The following BRSK2 variants were observed in gnomAD, a reference collection of about 807,000 sequenced individuals.
BRSK2 encodes the protein serine/threonine-protein kinase BRSK2.
A neutral mutation model predicts 83.3 loss-of-function variants in BRSK2; 19 were observed. The ratio of observed to expected loss-of-function variants is 0.23; its 90% CI spans 0.16 to 0.33. BRSK2 has a LOEUF of 0.33. Among genes scored for constraint, BRSK2 ranks in the 10% least tolerant of loss-of-function variants. The pLI is 1.00. For missense variants in BRSK2, 798 were observed against 1,042.3 expected, an observed-to-expected ratio of 0.77 and a Z score of 3.23; for synonymous variants, 519 against 435.4, an observed-to-expected ratio of 1.19 and a Z score of -2.39.
At chr11:1,414,645 C>T (rs141036702) in intron 1 of BRSK2, among the ~76,000 whole-genome samples, 1 of 152,310 alleles carries the variant, frequency 6.6e-6, no homozygotes, top group Non-Finnish European at 1.5e-5. Context: ...ATTAACCATA[C>T]AATTCAGGGA....
intron 1 of BRSK2, among the ~76,000 whole-genome samples, chr11:1,428,996 CTGGGTGTGTGTGCA>C (rs1849587423): frequency 7.1e-6 from 1 of 140,654 alleles, no homozygotes; most frequent in South Asian, 2.3e-4. Context: ...TGGGTGTGTC[CTGGGTGTGTGTGCA>C]TGGGTGTGTG....
intron 1 of BRSK2, among the ~76,000 whole-genome samples, chr11:1,425,186 G>A (rs1365282306): frequency 3.3e-5 from 5 of 152,180 alleles, no homozygotes; most frequent in African/African-American, 7.2e-5. Context: ...TCAGCTCCCC[G>A]GGTCATCAGT....
chr11:1,461,580 T>C lies in BRSK2; in HGVS notation c.*857T>C, dbSNP rs1036113159. On this transcript the variant is annotated 3_prime_UTR_variant, in exon 20 of 20. Transcript: ENST00000528841. ...TTAATTTATGGATTCTCCGCACCTC[T>C]GTTCAGGGAAGGGCGGCGGCCACAT... 6.3e-6 allele frequency: 1 copy of C among 158,312 alleles called. No individual in the cohort carries two copies. Among genetic ancestry groups the C allele is most frequent in the Middle Eastern group, 2.8e-3 (1 of 360 alleles). The allele number at this position is 158,312 out of a possible 1,614,324, so 9.8% of individuals were successfully genotyped here. A position where few individuals can be genotyped will look rare whatever the true frequency, so the allele number is the denominator to read the frequency against.
intron 1 of BRSK2, among the ~76,000 whole-genome samples, chr11:1,416,888 C>T (rs1045495164): frequency 4.6e-5 from 7 of 152,168 alleles, no homozygotes; most frequent in Admixed American, 2.6e-4. Context: ...CAGCCAGGCG[C>T]GGTGGCTCAT....
At chr11:1,394,325 T>G (rs1845923201) in intron 1 of BRSK2, among the ~76,000 whole-genome samples, 2 of 80,952 alleles carry the variant, frequency 2.5e-5, no homozygotes, top group Admixed American at 1.4e-4. Flanking sequence ...CCCCTGGAGA[T>G]GGGCCATGGA....
chr11:1,406,524 C>T (rs531174803), intron 1 of BRSK2, among the ~76,000 whole-genome samples: 30 of 152,288 alleles, frequency 2.0e-4, no homozygotes, highest in African/African-American at 7.0e-4. Context: ...CTCAGGACCC[C>T]AGAGAGCTCA....
In BRSK2 at chr11:1,460,492, G is replaced by A; in HGVS notation, c.1988-8G>A. On this transcript the variant is annotated splice_polypyrimidine_tract_variant and splice_region_variant and intron_variant, in intron 19 of 19. Transcript: ENST00000528841. ...TTTTTTTTTTTTGTCTCTGTTCTGT[G>A]TACCCAGGCAGCCCATTGAGTAACT... 1.1e-6 allele frequency: 1 copy of A among 882,782 alleles called. No individual in the cohort carries two copies. Among genetic ancestry groups the A allele is most frequent in the South Asian group, 2.1e-5 (1 of 46,696 alleles). The allele number at this position is 882,782 out of a possible 1,614,324, so 54.7% of individuals were successfully genotyped here.
chr11:1,390,090 C>A lies in BRSK2; in HGVS notation c.-195C>A, dbSNP rs979084185. 140 of 149,232 alleles carry A rather than the reference C, an allele frequency of 9.4e-4. 1 individual carries two copies. The East Asian group carries it at 0.022, about 24-fold the overall frequency. The allele number at this position is 149,232 out of a possible 1,614,324, so 9.2% of individuals were successfully genotyped here. A position where few individuals can be genotyped will look rare whatever the true frequency, so the allele number is the denominator to read the frequency against. On this transcript the variant is annotated 5_prime_UTR_variant, in exon 1 of 20. Coordinates refer to ENST00000528841, the MANE Select transcript of BRSK2 (RefSeq NM_001256627.2). The surrounding 1 kb of genome is among the most constrained non-coding windows in gnomAD (Gnocchi z 6.8). ...GGCGGAGGCGTCGCCGCGGGCCAGG[C>A]CTCGGACTGCCGCGTCGGAGTGGAC...
At chr11:1,421,917 A>T (rs1376465762) in intron 1 of BRSK2, among the ~76,000 whole-genome samples, 1 of 139,428 alleles carries the variant, frequency 7.2e-6, no homozygotes, top group African/African-American at 2.6e-5. Flanking sequence ...TCTGCTGGAG[A>T]TGTGAGCACG....
In BRSK2 at chr11:1,405,522, G is replaced by A. The variant is rs1258404776; in HGVS notation, c.91+15147G>A. Among the ~76,000 whole-genome samples, 5 of 152,214 alleles carry A rather than the reference G, an allele frequency of 3.3e-5. No homozygotes were observed. The East Asian group carries it at 9.7e-4, about 30-fold the overall frequency. On this transcript the variant is annotated intron_variant, in intron 1 of 19. Transcript: ENST00000528841. ...TGCAGCCAGCACCCCACAGTTACAG[G>A]CAGCGAGCTGCCAGCCCCAGCCCCT...
At chr11:1,456,769 G>A in intron 18 of BRSK2, 82 bp downstream of exon 18, 1 of 1,437,524 alleles carries the variant, frequency 7.0e-7, no homozygotes. Flanking sequence ...GGAGGCGTGA[G>A]GACCCGGGCG....
At chr11:1,422,363 T>C (rs1487578522) in intron 1 of BRSK2, among the ~76,000 whole-genome samples, 1 of 152,028 alleles carries the variant, frequency 6.6e-6, no homozygotes, top group Non-Finnish European at 1.5e-5. Context: ...CATGGGGTGC[T>C]CTGGGGAGGG....
At chr11:1,419,564 T>G (rs1218450036) in intron 1 of BRSK2, among the ~76,000 whole-genome samples, 1 of 152,260 alleles carries the variant, frequency 6.6e-6, no homozygotes, top group African/African-American at 2.4e-5. Flanking sequence ...TGTTTATAGA[T>G]GCAGCCACTC....
At chr11:1,392,476 A>G (rs1189518364) in intron 1 of BRSK2, among the ~76,000 whole-genome samples, 1 of 152,094 alleles carries the variant, frequency 6.6e-6, no homozygotes, top group African/African-American at 2.4e-5. Context: ...CATCTCTCTC[A>G]GCCTGAGACC....
At position 1,454,491 on chromosome 11, in the gene BRSK2, G is replaced by A. The variant is rs771846310; in HGVS notation, c.1551G>A (p.Ala517=). 11 of 1,613,040 alleles carry A rather than the reference G, an allele frequency of 6.8e-6. No individual in the cohort carries two copies. The highest frequency in any genetic ancestry group is 4.5e-5 in the East Asian group (2 of 44,880). The change falls in exon 16 of 20, where the codon GCG becomes GCA. Residue 517 remains alanine, a synonymous_variant. Transcript: ENST00000528841. This position sits in a 1 kb window ranked among gnomAD's most constrained non-coding sequence, Gnocchi z 5.2. The stretch of plus-strand genomic sequence containing the variant: ...TCTGTCTCCCACTGCCCAGGCTGGC[G>A]AAGAAGTCCTGGTTTGGGAACTTCA... ...NLTPESSPEL[A]KKSWFGNFIS... is the part of the protein sequence containing the mutation.
intron 1 of BRSK2, among the ~76,000 whole-genome samples, chr11:1,421,649 C>T (rs370366713): frequency 3.9e-5 from 6 of 152,300 alleles, no homozygotes; most frequent in East Asian, 3.9e-4. Context: ...ATGTTCTGAG[C>T]GTGTGCTGAG....
At chr11:1,459,846 C>G (rs1184952892) in intron 19 of BRSK2, among the ~76,000 whole-genome samples, 1 of 152,190 alleles carries the variant, frequency 6.6e-6, no homozygotes, top group Admixed American at 6.5e-5. Flanking sequence ...TGCTTGTCCA[C>G]CCATCTGTTC....
chr11:1,407,273 G>A (rs1236588666), intron 1 of BRSK2, among the ~76,000 whole-genome samples: 1 of 152,098 alleles, frequency 6.6e-6, no homozygotes, highest in Non-Finnish European at 1.5e-5. Context: ...GCTCCCGCTG[G>A]CCACCTCTGC....
Position 1,460,858 on chromosome 11 carries a change from A to G in BRSK2, c.*135A>G. ...TTCTCAGAGCCTGGGAGGAAAGGAA[A>G]GGGGCGTTGGGGCCGGCCTGTGGGC... On this transcript the variant is annotated 3_prime_UTR_variant, in exon 20 of 20. Transcript: ENST00000528841. 1.3e-6 allele frequency: 2 copies of G among 1,561,772 alleles called. No individual in the cohort carries two copies. Among genetic ancestry groups the G allele is most frequent in the South Asian group, 1.2e-5 (1 of 85,800 alleles).
Sources: allele counts gnomAD v4.1 joint callset (sites outside exome capture counted in the v4.1 genomes callset), GRCh38; gene constraint gnomAD v4.1.1; non-coding constraint Gnocchi (gnomAD v3.1); transcripts MANE v1.5; gene names NCBI Gene and HGNC (gene_info 2026-07-23, HGNC 2026-07-21).